Variants in ASS1 observed in about 807,000 individuals in gnomAD.
ASS1 encodes argininosuccinate synthase.
Under a neutral mutation model 60.5 loss-of-function variants are expected in ASS1, and 58 were observed. The ratio of observed to expected loss-of-function variants is 0.96; its 90% CI spans 0.78 to 1.19. The LOEUF is 1.19. Among genes scored for constraint, ASS1 ranks in the 50% most tolerant of loss-of-function variants. ASS1 has a pLI of 0.00. For synonymous variants in ASS1, 200 were observed against 206.9 expected, an observed-to-expected ratio of 0.97 and a Z score of 0.29; for missense variants, 454 against 547.3, an observed-to-expected ratio of 0.83 and a Z score of 1.70.
intron 6 of ASS1, among the ~76,000 whole-genome samples, chr9:130,468,412 A>T (rs200817419): frequency 1.1e-4 from 8 of 72,038 alleles, no homozygotes; most frequent in East Asian, 4.6e-4. Flanking sequence ...ACCATAATTT[A>T]AAAAAAAATT....
At chr9:130,464,255 C>A in intron 5 of ASS1, 88 bp downstream of exon 5, 1 of 1,483,322 alleles carries the variant, frequency 6.7e-7, no homozygotes, top group Non-Finnish European at 9.4e-7. Context: ...GGAGATTCCA[C>A]AGGACAGGCA....
At position 130,479,717 on chromosome 9, in the gene ASS1, G is replaced by A; in HGVS notation, c.690G>A (p.Gly230=). ...PDILEIEFKK[G]VPVKVTNVKD... ...CACTGCCCTCTCTTCCCACCCTAGG[G>A]GTCCCTGTGAAGGTGACCAACGTCA... The change falls in exon 10 of 15, where the codon GGG becomes GGA. Residue 230 remains glycine (G), a splice_region_variant and synonymous_variant. Coordinates refer to ENST00000352480, the MANE Select transcript of ASS1 (RefSeq NM_054012.4). 1.2e-6 allele frequency: 2 copies of A among 1,613,688 alleles called. No individual in the cohort carries two copies. The highest frequency in any genetic ancestry group is 1.7e-6 in the Non-Finnish European group (2 of 1,179,652).
At chr9:130,484,852 G>A (rs1185833629) in intron 11 of ASS1, among the ~76,000 whole-genome samples, 1 of 151,768 alleles carries the variant, frequency 6.6e-6, no homozygotes, top group Non-Finnish European at 1.5e-5. Flanking sequence ...CGCGTCGGCA[G>A]CAACCTAAAA....
chr9:130,472,812 G>A (rs1588488948), intron 8 of ASS1, among the ~76,000 whole-genome samples: 1 of 152,180 alleles, frequency 6.6e-6, no homozygotes, highest in East Asian at 1.9e-4. Context: ...TGGCTTCCAG[G>A]CAGGGCATCC....
intron 5 of ASS1, among the ~76,000 whole-genome samples, chr9:130,465,744 G>A (rs1845724074): frequency 1.3e-5 from 2 of 152,238 alleles, no homozygotes; most frequent in South Asian, 4.1e-4. Context: ...TGGGATGCGT[G>A]GCCTGGAGGT....
intron 4 of ASS1, among the ~76,000 whole-genome samples, chr9:130,460,747 A>G (rs886306526): frequency 3.9e-5 from 6 of 152,234 alleles, no homozygotes; most frequent in African/African-American, 1.4e-4. Context: ...TAGTGGGTGG[A>G]AGGAGGTCTC....
At chr9:130,498,074 G>T (rs764917943) in intron 13 of ASS1, among the ~76,000 whole-genome samples, 2 of 152,116 alleles carry the variant, frequency 1.3e-5, no homozygotes, top group African/African-American at 4.8e-5. Flanking sequence ...AGAGTTCCAC[G>T]CACCCACCGG....
chr9:130,458,470 C>A lies in ASS1; in HGVS notation c.244C>A (p.Leu82Met). The change falls in exon 4 of 15, where the codon CTG becomes ATG. Residue 82 changes from leucine (L) to methionine (M), a missense_variant. Coordinates refer to ENST00000352480, the MANE Select transcript of ASS1 (RefSeq NM_054012.4). ...FIWPAIQSSA[L>M]YEDRYLLGTS... ...CTGGCCGGCCATCCAGTCCAGCGCACTGTATGAGGACCGCTACCTCCTGGG... is the reference window on the plus strand; with the variant it reads ...CTGGCCGGCCATCCAGTCCAGCGCAATGTATGAGGACCGCTACCTCCTGGG... 6.2e-7 allele frequency: 1 copy of A among 1,612,418 alleles called. No homozygotes were observed. Among genetic ancestry groups the A allele is most frequent in the Non-Finnish European group, 8.5e-7 (1 of 1,179,876 alleles).
At chr9:130,469,578 T>C (rs1013168805) in intron 6 of ASS1, among the ~76,000 whole-genome samples, 3 of 152,066 alleles carry the variant, frequency 2.0e-5, no homozygotes, top group Non-Finnish European at 2.9e-5. Context: ...GCCAGGCTAA[T>C]TTTTGTTATC....
At chr9:130,471,636 TGG>T in intron 8 of ASS1, 121 bp downstream of exon 8, 3 of 1,254,090 alleles carry the variant, frequency 2.4e-6, no homozygotes, top group African/African-American at 1.5e-5. Flanking sequence ...GCCGTGGGGC[TGG>T]GGCCGAGCCC....
At chr9:130,483,450 C>T (rs1846218530) in intron 11 of ASS1, among the ~76,000 whole-genome samples, 1 of 151,318 alleles carries the variant, frequency 6.6e-6, no homozygotes, top group South Asian at 2.1e-4. Context: ...GCTGGGGAAG[C>T]CGCGGCTGGA....
At chr9:130,496,416 GTC>G (rs1056315526) in intron 13 of ASS1, among the ~76,000 whole-genome samples, 115 of 151,604 alleles carry the variant, frequency 7.6e-4, no homozygotes, top group African/African-American at 2.6e-3. Context: ...GCAAAACCCT[GTC>G]TCAAAAAATA....
rs1165802836 is a variant in ASS1 at position 130,478,718 on chromosome 9, G to C, written c.689-998G>C. Among the ~76,000 whole-genome samples the C allele has an allele frequency of 6.6e-6, 1 of 152,202 alleles. No individual in the cohort carries two copies. Among genetic ancestry groups the C allele is most frequent in the East Asian group, 1.9e-4 (1 of 5,194 alleles). ...GACCGGGGAGGGAGAGAAAGGGAGA[G>C]AGGAGAGGCGGGGGGTGGTGAGAGG... is the stretch of plus-strand genomic sequence containing the variant. On this transcript the variant is annotated intron_variant, in intron 9 of 14. Transcript: ENST00000352480. This position sits in a 1 kb window ranked among gnomAD's most constrained non-coding sequence, Gnocchi z 4.7.
chr9:130,486,604 C>T (rs1426357551), intron 11 of ASS1, among the ~76,000 whole-genome samples: 3 of 152,188 alleles, frequency 2.0e-5, no homozygotes, highest in Admixed American at 6.5e-5. Context: ...GCTTGGATCT[C>T]TGCATAAACT....
intron 1 of ASS1, 141 bp from the exon 2 acceptor site, chr9:130,452,083 T>G: frequency 4.0e-6 from 3 of 755,328 alleles, no homozygotes; most frequent in South Asian, 1.5e-5. Flanking sequence ...AAGGTGAACA[T>G]CCTGTTCCCG....
At chr9:130,467,825 C>T (rs919613983) in intron 6 of ASS1, among the ~76,000 whole-genome samples, 8 of 152,180 alleles carry the variant, frequency 5.3e-5, no homozygotes, top group Non-Finnish European at 1.0e-4. Context: ...TCTACCCTCA[C>T]GCCTCGAGTC....
intron 3 of ASS1, 90 bp from the exon 4 acceptor site, chr9:130,458,311 G>T: frequency 6.6e-7 from 1 of 1,506,838 alleles, no homozygotes; most frequent in Non-Finnish European, 9.2e-7. Context: ...GCCCCGTATA[G>T]GTCTCAGCTA....
chr9:130,479,386 G>A (rs901408798), intron 9 of ASS1, among the ~76,000 whole-genome samples: 7 of 152,276 alleles, frequency 4.6e-5, no homozygotes, highest in East Asian at 1.9e-4. Context: ...AGGTGCTCCC[G>A]GCGTAAGACA....
chr9:130,464,821 C>T (rs1018310489), intron 5 of ASS1, among the ~76,000 whole-genome samples: 1 of 151,884 alleles, frequency 6.6e-6, no homozygotes, highest in African/African-American at 2.4e-5. Context: ...ATGATGGACA[C>T]GTTCCTTCCT....
Sources: gnomAD v4.1 joint callset for allele counts (sites outside exome capture counted in the v4.1 genomes callset) on GRCh38, gnomAD v4.1.1 for gene constraint, Gnocchi (gnomAD v3.1) non-coding constraint, MANE v1.5 for transcripts, NCBI Gene and HGNC (gene_info 2026-07-23, HGNC 2026-07-21) for gene names.